RAB38: variants seen among roughly 807,000 people sequenced by gnomAD.
RAB38 encodes RAB38, member RAS oncogene family, also known as ras-related protein Rab-38.
RAB38 carries 15 observed loss-of-function variants against 18.4 expected under a neutral mutation model. That is an observed-to-expected ratio of 0.82 (90% confidence interval 0.55 to 1.26). The LOEUF is 1.26. Ranked by LOEUF, RAB38 falls within the 50% of genes most tolerant of loss-of-function variation. The pLI is 0.00. For synonymous variants in RAB38, 101 were observed against 104.4 expected, an observed-to-expected ratio of 0.97 and a Z score of 0.20; for missense variants, 294 against 267.4, an observed-to-expected ratio of 1.10 and a Z score of -0.69.
At chr11:88,119,381 A>T (rs1942600614) in intron 2 of RAB38, among the ~76,000 whole-genome samples, 1 of 152,166 alleles carries the variant, frequency 6.6e-6, no homozygotes, top group Non-Finnish European at 1.5e-5. Flanking sequence ...GTTGTTCATA[A>T]TTTTTTAAAA....
chr11:87,940,580 A>G, the RAB38 span, among the ~76,000 whole-genome samples: 8 of 152,042 alleles, frequency 5.3e-5, no homozygotes, highest in Non-Finnish European at 8.8e-5. Context: ...ACAGAAATAG[A>G]TATATGTACA....
chr11:88,154,239 C>T (rs576555612), intron 1 of RAB38, among the ~76,000 whole-genome samples: 19 of 152,262 alleles, frequency 1.2e-4, no homozygotes, highest in African/African-American at 3.9e-4. Context: ...ATCAGGATGC[C>T]ATTTTTAATC....
chr11:87,965,772 ATTTTAAC>A, the RAB38 span, among the ~76,000 whole-genome samples: 1 of 152,148 alleles, frequency 6.6e-6, no homozygotes, highest in Admixed American at 6.6e-5. Flanking sequence ...TATAGGTATT[ATTTTAAC>A]TTTTAACTGT....
the RAB38 span, among the ~76,000 whole-genome samples, chr11:87,882,715 CTGTCAT>C: frequency 6.6e-6 from 1 of 151,812 alleles, no homozygotes; most frequent in African/African-American, 2.4e-5. Flanking sequence ...TTTGGTCTCT[CTGTCAT>C]TGTCACTTTT....
the RAB38 span, among the ~76,000 whole-genome samples, chr11:87,906,209 T>C: frequency 1.3e-5 from 2 of 151,988 alleles, no homozygotes; most frequent in Non-Finnish European, 2.9e-5. Flanking sequence ...CTCCCACCCA[T>C]GAGCATTAAA....
chr11:88,013,787 G>A, the RAB38 span, among the ~76,000 whole-genome samples: 1 of 152,066 alleles, frequency 6.6e-6, no homozygotes. Flanking sequence ...CAAAAACCCA[G>A]GACTGGAATG....
At chr11:87,928,128 A>G in the RAB38 span, among the ~76,000 whole-genome samples, 1 of 151,918 alleles carries the variant, frequency 6.6e-6, no homozygotes, top group African/African-American at 2.4e-5. Flanking sequence ...GAAGGAAGAG[A>G]GAGAAACTAT....
intron 1 of RAB38, among the ~76,000 whole-genome samples, chr11:88,168,576 A>G (rs1943270975): frequency 6.6e-6 from 1 of 152,140 alleles, no homozygotes; most frequent in Non-Finnish European, 1.5e-5. Flanking sequence ...ACCTATTCCG[A>G]TCACCCCTAA....
the RAB38 span, among the ~76,000 whole-genome samples, chr11:88,034,117 A>G: frequency 1.3e-5 from 2 of 152,228 alleles, no homozygotes; most frequent in East Asian, 1.9e-4. Context: ...AATTTTGTCA[A>G]TTCAATAATG....
the RAB38 span, among the ~76,000 whole-genome samples, chr11:88,072,432 A>G: frequency 6.6e-6 from 1 of 152,220 alleles, no homozygotes; most frequent in Non-Finnish European, 1.5e-5. Flanking sequence ...GCATCACAGA[A>G]CTGTGAGATA....
At chr11:87,912,080 AT>A in the RAB38 span, among the ~76,000 whole-genome samples, 91 of 152,028 alleles carry the variant, frequency 6.0e-4, 1 homozygote, top group Admixed American at 6.0e-3. Flanking sequence ...AATTAACCAT[AT>A]TATATATCAT....
intron 2 of RAB38, among the ~76,000 whole-genome samples, chr11:88,137,994 T>C (rs1379646384): frequency 1.3e-5 from 2 of 152,188 alleles, no homozygotes; most frequent in African/African-American, 2.4e-5. Flanking sequence ...TATTTGAAGA[T>C]ATCAAGTACC....
At chr11:88,080,306 G>C in the RAB38 span, among the ~76,000 whole-genome samples, 2 of 151,678 alleles carry the variant, frequency 1.3e-5, no homozygotes, top group African/African-American at 2.4e-5. Context: ...GATGTAAAAA[G>C]TAAAGATAAA....
intron 2 of RAB38, among the ~76,000 whole-genome samples, chr11:88,133,269 G>A (rs1402820427): frequency 1.3e-5 from 2 of 152,108 alleles, no homozygotes; most frequent in African/African-American, 4.8e-5. Flanking sequence ...TCTGTGCTGG[G>A]AATTTGTGAA....
Position 88,149,875 on chromosome 11 carries a change from G to A in RAB38, c.283C>T (p.Pro95Ser). The change falls in exon 2 of 3, where the codon CCA (proline) becomes TCA (serine). Residue 95 changes from proline (P) to serine (S), a missense_variant. Transcript: ENST00000243662. ...TTTGCCACTGCTTCAAATGTGGCTG[G>A]CCTGGTGACATCGAAGACAATAAAT... ...GAFIVFDVTR[P>S]ATFEAVAKWK... 1 of 1,613,842 alleles carries A rather than the reference G, an allele frequency of 6.2e-7. No individual in the cohort carries two copies. The highest frequency in any genetic ancestry group is 8.5e-7 in the Non-Finnish European group (1 of 1,179,928).
chr11:87,866,827 C>A, the RAB38 span, among the ~76,000 whole-genome samples: 1 of 151,726 alleles, frequency 6.6e-6, no homozygotes, highest in African/African-American at 2.4e-5. Flanking sequence ...AAGGAGCATT[C>A]AACTGAACAT....
intron 2 of RAB38, among the ~76,000 whole-genome samples, chr11:88,128,318 TA>T (rs1390502938): frequency 6.6e-6 from 1 of 152,242 alleles, no homozygotes; most frequent in African/African-American, 2.4e-5. Context: ...CTAATGTAGT[TA>T]AACTTGTGGG....
the RAB38 span, among the ~76,000 whole-genome samples, chr11:88,080,412 G>C: frequency 3.3e-5 from 5 of 151,780 alleles, no homozygotes; most frequent in African/African-American, 1.2e-4. Context: ...AATAAAAGGT[G>C]ATATATATAC....
At chr11:87,925,480 C>G in the RAB38 span, among the ~76,000 whole-genome samples, 2 of 152,024 alleles carry the variant, frequency 1.3e-5, no homozygotes, top group Admixed American at 6.6e-5. Flanking sequence ...CATAAACTAA[C>G]AAGGACAGTT....
Sources: allele counts gnomAD v4.1 joint callset (sites outside exome capture counted in the v4.1 genomes callset), GRCh38; gene constraint gnomAD v4.1.1; transcripts MANE v1.5; gene names NCBI Gene and HGNC (gene_info 2026-07-23, HGNC 2026-07-21).